The following POLE2 variants were observed in gnomAD, a reference collection of about 807,000 sequenced individuals.
POLE2 encodes DNA polymerase epsilon 2, accessory subunit, also known as DNA polymerase epsilon subunit 2.
A neutral mutation model predicts 79.4 loss-of-function variants in POLE2; 56 were observed. The observed-to-expected ratio is 0.71, with a 90% CI of 0.57 to 0.88. The LOEUF (loss-of-function observed/expected upper bound fraction) is 0.88. POLE2 is among the 40% of genes least tolerant of loss of function. POLE2 has a pLI of 0.00. For missense variants in POLE2, 598 were observed against 638.9 expected (o/e 0.94, Z 0.69); for synonymous variants, 212 against 214.0 (o/e 0.99, Z 0.08).
Position 49,665,104 on chromosome 14 carries a change from T to C in POLE2, c.633+3A>G. On this transcript the variant is annotated splice_donor_region_variant and intron_variant, in intron 8 of 18. Coordinates refer to ENST00000216367, the MANE Select transcript of POLE2 (RefSeq NM_002692.4). ...TTAAAAAATACAGACAAGTGAAGGA[T>C]ATAGCTTTACTAAGGTCTAGTTGGA... 7.6e-7 allele frequency: 1 copy of C among 1,313,044 alleles called. No homozygotes were observed. Among genetic ancestry groups the C allele is most frequent in the Non-Finnish European group, 1.1e-6 (1 of 912,990 alleles). 81.3% of individuals were successfully genotyped at this position (1,313,044 alleles called of 1,614,324 possible).
At chr14:49,646,226 G>A (rs146683669) in intron 18 of POLE2, among the ~76,000 whole-genome samples, 29 of 151,130 alleles carry the variant, frequency 1.9e-4, no homozygotes, top group African/African-American at 5.1e-4. Context: ...AAGACAACTG[G>A]GCTGTGTTCA....
chr14:49,668,045 G>A (rs1885610355), intron 6 of POLE2, among the ~76,000 whole-genome samples: 1 of 152,184 alleles, frequency 6.6e-6, no homozygotes, highest in South Asian at 2.1e-4. Flanking sequence ...GCTGAGGCGG[G>A]CGGATCACTT....
At chr14:49,659,758 G>A (rs1259681241) in intron 10 of POLE2, among the ~76,000 whole-genome samples, 1 of 151,904 alleles carries the variant, frequency 6.6e-6, no homozygotes, top group Non-Finnish European at 1.5e-5. Context: ...TTTTGTTGTT[G>A]TTGTTGTTGG....
chr14:49,685,621 T>G (rs1266438598), intron 1 of POLE2, among the ~76,000 whole-genome samples: 1 of 152,038 alleles, frequency 6.6e-6, no homozygotes, highest in Non-Finnish European at 1.5e-5. Context: ...TTCTTTTTTT[T>G]CTTTCTTTCT....
intron 18 of POLE2, among the ~76,000 whole-genome samples, chr14:49,646,082 C>T (rs914700546): frequency 6.6e-6 from 1 of 152,136 alleles, no homozygotes; most frequent in African/African-American, 2.4e-5. Flanking sequence ...GGATATCCAG[C>T]GTAGACAAGT....
intron 17 of POLE2, among the ~76,000 whole-genome samples, chr14:49,648,767 AG>A (rs1420552477): frequency 1.3e-5 from 2 of 152,214 alleles, no homozygotes; most frequent in Non-Finnish European, 2.9e-5. Context: ...AAAAGTGCCA[AG>A]GCCGATAAGC....
chr14:49,685,268 T>C (rs1298438173), intron 1 of POLE2, among the ~76,000 whole-genome samples: 1 of 152,232 alleles, frequency 6.6e-6, no homozygotes, highest in Non-Finnish European at 1.5e-5. Flanking sequence ...TGTGTAGGTG[T>C]TGCATCTCTC....
At position 49,653,898 on chromosome 14, in the gene POLE2, C is replaced by T. The variant is rs143930572; in HGVS notation, c.1211+92G>A. 1.0e-4 allele frequency: 73 copies of T among 719,358 alleles called. No individual in the cohort carries two copies. In the African/African-American group the frequency reaches 1.0e-3, roughly 10 times the overall value. The allele number at this position is 719,358 out of a possible 1,614,324, so 44.6% of individuals were successfully genotyped here. ...CCAAGCAACCTGCCTGCCTCGGCCT[C>T]CCAAAGTGCTGAGATTACAGACATG... On this transcript the variant is annotated intron_variant, in intron 15 of 18. Transcript: ENST00000216367.
At chr14:49,658,774 G>T (rs1884892620) in intron 10 of POLE2, among the ~76,000 whole-genome samples, 1 of 152,184 alleles carries the variant, frequency 6.6e-6, no homozygotes, top group Admixed American at 6.5e-5. Context: ...CCAGTTGTAG[G>T]AAAGTACAGC....
At chr14:49,670,508 T>C (rs549934888) in intron 5 of POLE2, among the ~76,000 whole-genome samples, 37 of 151,922 alleles carry the variant, frequency 2.4e-4, no homozygotes, top group Non-Finnish European at 4.3e-4. Context: ...GTCCATATAG[T>C]TTAGGTAGGA....
chr14:49,675,338 C>T (rs192552583), intron 3 of POLE2, among the ~76,000 whole-genome samples: 229 of 152,330 alleles, frequency 1.5e-3, no homozygotes, highest in Non-Finnish European at 1.5e-3. Context: ...CCCACCTCAG[C>T]CTCCCAAAGT....
intron 17 of POLE2, among the ~76,000 whole-genome samples, chr14:49,649,888 T>C (rs1025670009): frequency 1.3e-5 from 2 of 152,244 alleles, no homozygotes; most frequent in Non-Finnish European, 2.9e-5. Flanking sequence ...TTTTGGGACC[T>C]GTGCAATTTC....
In POLE2 at chr14:49,666,343, G is replaced by T; in HGVS notation, c.563C>A (p.Thr188Lys). The change falls in exon 7 of 19, where the codon ACG becomes AAG. Residue 188 changes from threonine to lysine, a missense_variant. Transcript: ENST00000216367. ...IGDAIVLGMITQLKEGKFFLE... is the reference protein window; with the variant it reads ...IGDAIVLGMIKQLKEGKFFLE... ...TTATTAAGTTACCTCTTTTAACTGC[G>T]TTATCATTCCAAGAACAATCGCATC... The T allele has an allele frequency of 6.5e-7, 1 of 1,529,920 alleles. No individual in the cohort carries two copies. The highest frequency in any genetic ancestry group is 8.8e-7 in the Non-Finnish European group (1 of 1,130,200). 94.8% of individuals were successfully genotyped at this position (1,529,920 alleles called of 1,614,324 possible).
intron 18 of POLE2, among the ~76,000 whole-genome samples, chr14:49,644,505 C>T (rs1337610148): frequency 3.5e-5 from 5 of 141,292 alleles, no homozygotes; most frequent in Non-Finnish European, 6.2e-5. Flanking sequence ...AGCAAAACTC[C>T]GTCTCCAAAA....
rs1884305477 is a variant in POLE2 at position 49,652,195 on chromosome 14, C to T, written c.1212-818G>A. On this transcript the variant is annotated intron_variant, in intron 15 of 18. Coordinates refer to ENST00000216367, the MANE Select transcript of POLE2 (RefSeq NM_002692.4). ...AGGAGAATGGCATGAACCCGGGAGG[C>T]GGAGCTTGCAGTGAGCCGAGATCGC... 3.3e-4 allele frequency among the ~76,000 whole-genome samples: 3 copies of T among 9,050 alleles called. 1 individual carries two copies. The highest frequency in any genetic ancestry group is 1.3e-3 in the Non-Finnish European group (3 of 2,368). 5.9% of individuals were successfully genotyped at this position (9,050 alleles called of 152,430 possible).
intron 3 of POLE2, among the ~76,000 whole-genome samples, chr14:49,677,068 G>T (rs913219126): frequency 3.3e-5 from 5 of 152,328 alleles, no homozygotes; most frequent in African/African-American, 1.2e-4. Context: ...GGGGAGAGTG[G>T]GTTCAGCCAT....
At position 49,668,293 on chromosome 14, in the gene POLE2, G is replaced by C. The variant is rs1369074416; in HGVS notation, c.492+1231C>G. Among the ~76,000 whole-genome samples the C allele has an allele frequency of 2.6e-5, 4 of 151,620 alleles. No homozygotes were observed. In the East Asian group the frequency reaches 7.8e-4, roughly 29 times the overall value. ...AGAAAGAAAGGAAAGGAAAGGGAAGGAGGAAGGGGGAAGGGGGAAGGGAAG... is the reference window on the plus strand; with the variant it reads ...AGAAAGAAAGGAAAGGAAAGGGAAGCAGGAAGGGGGAAGGGGGAAGGGAAG... On this transcript the variant is annotated intron_variant, in intron 6 of 18. Coordinates refer to ENST00000216367, the MANE Select transcript of POLE2 (RefSeq NM_002692.4).
intron 18 of POLE2, among the ~76,000 whole-genome samples, chr14:49,644,980 T>G (rs948373693): frequency 1.3e-5 from 2 of 149,112 alleles, no homozygotes; most frequent in Non-Finnish European, 3.0e-5. Context: ...AGATGGAGGT[T>G]GCAGTGAGCC....
chr14:49,669,126 G>A (rs1885694920), intron 6 of POLE2, among the ~76,000 whole-genome samples: 1 of 152,148 alleles, frequency 6.6e-6, no homozygotes, highest in South Asian at 2.1e-4. Context: ...TGTGTGTGGT[G>A]GTCACTGAGG....
Sources: gnomAD v4.1 joint callset for allele counts (sites outside exome capture counted in the v4.1 genomes callset) on GRCh38, gnomAD v4.1.1 for gene constraint, MANE v1.5 for transcripts, NCBI Gene and HGNC (gene_info 2026-07-23, HGNC 2026-07-21) for gene names.